The following HS6ST3 variants were observed in gnomAD, a reference collection of about 807,000 sequenced individuals.
HS6ST3 encodes the protein heparan sulfate 6-O-sulfotransferase 3.
A neutral mutation model predicts 36.7 loss-of-function variants in HS6ST3; 12 were observed. The observed-to-expected ratio is 0.33, with a 90% confidence interval of 0.21 to 0.53. The LOEUF (loss-of-function observed/expected upper bound fraction) is 0.53, where lower values mean the gene tolerates loss of function less well. Ranked by LOEUF, HS6ST3 falls within the 20% of genes least tolerant of loss-of-function variation. HS6ST3 has a pLI of 0.95. For missense variants in HS6ST3, 584 were observed against 640.9 expected (o/e 0.91, Z 0.96); for synonymous variants, 240 against 257.5 (o/e 0.93, Z 0.65).
intron 1 of HS6ST3, among the ~76,000 whole-genome samples, chr13:96,637,852 A>C (rs1370561426): frequency 6.6e-6 from 1 of 151,992 alleles, no homozygotes; most frequent in African/African-American, 2.4e-5. Flanking sequence ...TTGCTTCTTC[A>C]TGGTGTTTCC....
chr13:96,688,237 C>A (rs2784474), intron 1 of HS6ST3, among the ~76,000 whole-genome samples: 147,145 of 149,418 alleles, frequency 0.98, 72,496 homozygotes, highest in Middle Eastern at 1. Context: ...TCATCATCAT[C>A]ATAATAAAAA....
intron 1 of HS6ST3, among the ~76,000 whole-genome samples, chr13:96,752,445 A>C (rs1044671318): frequency 6.6e-6 from 1 of 152,066 alleles, no homozygotes; most frequent in Non-Finnish European, 1.5e-5. Flanking sequence ...CTGTTGCTCC[A>C]TATTCTCTCC....
In HS6ST3 at chr13:96,797,144, G is replaced by C. The variant is rs541127289; in HGVS notation, c.708-35346G>C. ...AATTATATTTATTGACCCTTCAACT[G>C]GAAGTCACCCAGTTCCCAGACAAGG... On this transcript the variant is annotated intron_variant, in intron 1 of 1. Coordinates refer to ENST00000376705, the MANE Select transcript of HS6ST3 (RefSeq NM_153456.4). Among the ~76,000 whole-genome samples the C allele has an allele frequency of 3.9e-5, 6 of 152,200 alleles. No individual in the cohort carries two copies. In the East Asian group the frequency reaches 1.2e-3, roughly 29 times the overall value.
At position 96,440,899 on chromosome 13, in the gene HS6ST3, C is replaced by T. The variant is rs144159170; in HGVS notation, c.707+349330C>T. On this transcript the variant is annotated intron_variant, in intron 1 of 1. Coordinates refer to ENST00000376705, the MANE Select transcript of HS6ST3 (RefSeq NM_153456.4). ...TTGCTAAGTTGATTTAAGAAATAGA[C>T]GGAGGACTGCAATGGACTGAATGTT... Among the ~76,000 whole-genome samples, 37 of 152,282 alleles carry T rather than the reference C, an allele frequency of 2.4e-4. No homozygotes were observed. The East Asian group carries it at 3.1e-3, about 13-fold the overall frequency.
chr13:96,153,189 C>T (rs1178064612), intron 1 of HS6ST3, among the ~76,000 whole-genome samples: 3 of 152,166 alleles, frequency 2.0e-5, no homozygotes, highest in Non-Finnish European at 1.5e-5. Context: ...TGTGTCTTGT[C>T]TATCTTAACA....
At chr13:96,717,793 C>T (rs1566437224) in intron 1 of HS6ST3, among the ~76,000 whole-genome samples, 1 of 152,140 alleles carries the variant, frequency 6.6e-6, no homozygotes, top group Non-Finnish European at 1.5e-5. Context: ...CAGAGCTTAC[C>T]TCATGGAAGG....
intron 1 of HS6ST3, among the ~76,000 whole-genome samples, chr13:96,246,092 T>G (rs2054583744): frequency 6.6e-6 from 1 of 152,196 alleles, no homozygotes; most frequent in South Asian, 2.1e-4. Flanking sequence ...TTAAATAATA[T>G]GTATGTAGAT....
chr13:96,482,748 T>A (rs1045759394), intron 1 of HS6ST3, among the ~76,000 whole-genome samples: 1 of 152,208 alleles, frequency 6.6e-6, no homozygotes, highest in Non-Finnish European at 1.5e-5. Flanking sequence ...GGTGCAAAAC[T>A]AAAAAGGCAG....
At position 96,757,527 on chromosome 13, in the gene HS6ST3, G is replaced by C. The variant is rs138304647; in HGVS notation, c.708-74963G>C. On this transcript the variant is annotated intron_variant, in intron 1 of 1. Transcript: ENST00000376705. ...TGGCTTGTACCTCTAGTAAAATATT[G>C]AATAAAATTGCTATGATTTGTCTCG... 1.4e-3 allele frequency among the ~76,000 whole-genome samples: 209 copies of C among 151,930 alleles called. 1 individual carries two copies. Among genetic ancestry groups the C allele is most frequent in the East Asian group, 8.1e-3 (42 of 5,172 alleles).
At chr13:96,672,221 G>T (rs543236571) in intron 1 of HS6ST3, among the ~76,000 whole-genome samples, 1 of 152,060 alleles carries the variant, frequency 6.6e-6, no homozygotes, top group Non-Finnish European at 1.5e-5. Flanking sequence ...TTACCAAATG[G>T]TTAGTCAATG....
chr13:96,125,825 A>C (rs1225336254), intron 1 of HS6ST3, among the ~76,000 whole-genome samples: 1 of 151,490 alleles, frequency 6.6e-6, no homozygotes, highest in African/African-American at 2.4e-5. Context: ...ACATGTGCAC[A>C]ATGTGCAGGT....
chr13:96,147,143 T>C (rs969811501), intron 1 of HS6ST3, among the ~76,000 whole-genome samples: 1 of 152,268 alleles, frequency 6.6e-6, no homozygotes, highest in Non-Finnish European at 1.5e-5. Flanking sequence ...TGTTTTGTTA[T>C]TCTTGATAGT....
intron 1 of HS6ST3, among the ~76,000 whole-genome samples, chr13:96,747,241 A>G (rs1411616151): frequency 6.6e-6 from 1 of 152,152 alleles, no homozygotes; most frequent in Non-Finnish European, 1.5e-5. Flanking sequence ...GTTGCTCATC[A>G]AATTCAGTTA....
chr13:96,822,100 C>T (rs1251393324), intron 1 of HS6ST3, among the ~76,000 whole-genome samples: 6 of 152,144 alleles, frequency 3.9e-5, no homozygotes, highest in Non-Finnish European at 7.4e-5. Context: ...TGGCTGAGCA[C>T]GGAGGGCCTG....
intron 1 of HS6ST3, among the ~76,000 whole-genome samples, chr13:96,508,701 C>T (rs946985275): frequency 5.9e-5 from 9 of 152,134 alleles, no homozygotes; most frequent in Admixed American, 2.6e-4. Context: ...CTACAAAAGA[C>T]ATTATTTTGT....
chr13:96,603,229 C>T (rs942831847), intron 1 of HS6ST3, among the ~76,000 whole-genome samples: 4 of 152,102 alleles, frequency 2.6e-5, no homozygotes, highest in African/African-American at 9.7e-5. Context: ...TTGTCCCACT[C>T]ATTTTTTCTA....
At chr13:96,574,687 T>A (rs1431924629) in intron 1 of HS6ST3, among the ~76,000 whole-genome samples, 1 of 152,170 alleles carries the variant, frequency 6.6e-6, no homozygotes, top group Admixed American at 6.5e-5. Flanking sequence ...AAACAGAACT[T>A]GAGGGGCCCA....
intron 1 of HS6ST3, among the ~76,000 whole-genome samples, chr13:96,396,646 A>G (rs574517370): frequency 6.6e-6 from 1 of 152,186 alleles, no homozygotes; most frequent in East Asian, 1.9e-4. Context: ...TGGCCATGGA[A>G]ATTGACAAAC....
At chr13:96,241,737 T>G (rs2139372855) in intron 1 of HS6ST3, among the ~76,000 whole-genome samples, 1 of 151,518 alleles carries the variant, frequency 6.6e-6, no homozygotes, top group African/African-American at 2.4e-5. Context: ...AGAACAGAAT[T>G]ATGAGCTCAA....
Sources: gnomAD v4.1 joint callset for allele counts (sites outside exome capture counted in the v4.1 genomes callset) on GRCh38, gnomAD v4.1.1 for gene constraint, MANE v1.5 for transcripts, NCBI Gene and HGNC (gene_info 2026-07-23, HGNC 2026-07-21) for gene names.